Variants in SEMA3E observed in about 807,000 individuals in gnomAD.
SEMA3E encodes semaphorin 3E.
SEMA3E carries 49 observed loss-of-function variants against 93.6 expected under a neutral mutation model. The observed-to-expected ratio is 0.52, with a 90% CI of 0.42 to 0.66. The LOEUF is 0.66. Ranked by LOEUF, SEMA3E falls within the 30% of genes least tolerant of loss-of-function variation. The pLI is 0.00. For synonymous variants in SEMA3E, 363 were observed against 330.7 expected (o/e 1.10, Z -1.06); for missense variants, 906 against 964.8 (o/e 0.94, Z 0.81).
At chr7:83,441,619 A>T (rs181131161) in intron 4 of SEMA3E, among the ~76,000 whole-genome samples, 60 of 152,326 alleles carry the variant, frequency 3.9e-4, no homozygotes, top group African/African-American at 1.4e-3. Flanking sequence ...TATTTACATT[A>T]ATTTAATCAT....
At chr7:83,617,580 T>TAAA (rs1793405877) in intron 1 of SEMA3E, among the ~76,000 whole-genome samples, 4 of 146,880 alleles carry the variant, frequency 2.7e-5, no homozygotes, top group East Asian at 2.0e-4. Context: ...ATAAGTAATA[T>TAAA]ATAATTTTAT....
At chr7:83,516,595 G>A (rs372939288) in intron 1 of SEMA3E, among the ~76,000 whole-genome samples, 29 of 152,098 alleles carry the variant, frequency 1.9e-4, no homozygotes, top group African/African-American at 7.0e-4. Context: ...CTGAAGAAAT[G>A]TCAATATTAT....
Position 83,390,016 on chromosome 7 carries a change from C to T in SEMA3E, c.1667+2539G>A, listed in dbSNP as rs533911060. 1.5e-3 allele frequency among the ~76,000 whole-genome samples: 167 copies of T among 112,090 alleles called. 9 individuals carry two copies. Among genetic ancestry groups the T allele is most frequent in the African/African-American group, 5.9e-3 (156 of 26,642 alleles). 73.5% of individuals were successfully genotyped at this position (112,090 alleles called of 152,430 possible). A position where few individuals can be genotyped will look rare whatever the true frequency, so the allele number is the denominator to read the frequency against. ...GTGTATACGTATACACATATATACG[C>T]GTATATGTGTATACGTATACACATA... On this transcript the variant is annotated intron_variant, in intron 14 of 16. Transcript: ENST00000643230.
intron 1 of SEMA3E, among the ~76,000 whole-genome samples, chr7:83,600,156 A>G (rs993350493): frequency 6.6e-6 from 1 of 152,022 alleles, no homozygotes; most frequent in South Asian, 2.1e-4. Flanking sequence ...CCATGTATAC[A>G]TTGCTCTGGC....
intron 4 of SEMA3E, among the ~76,000 whole-genome samples, chr7:83,450,573 A>C (rs1421929489): frequency 6.6e-6 from 1 of 152,176 alleles, no homozygotes; most frequent in Non-Finnish European, 1.5e-5. Flanking sequence ...TGATGATAGA[A>C]ATCATAATAG....
intron 5 of SEMA3E, among the ~76,000 whole-genome samples, chr7:83,411,507 T>C (rs1248170001): frequency 2.0e-5 from 3 of 152,114 alleles, no homozygotes; most frequent in African/African-American, 7.2e-5. Context: ...ATAATAATTA[T>C]GTTTAGCAAA....
At chr7:83,643,847 C>T (rs1794045366) in intron 1 of SEMA3E, among the ~76,000 whole-genome samples, 1 of 151,940 alleles carries the variant, frequency 6.6e-6, no homozygotes. Flanking sequence ...GTGTTTCCTC[C>T]TGGGTCCTAT....
At position 83,469,321 on chromosome 7, in the gene SEMA3E, T is replaced by C. The variant is rs1256745689; in HGVS notation, c.277-19A>G. The C allele has an allele frequency of 1.3e-6, 2 of 1,553,850 alleles. No homozygotes were observed. The highest frequency in any genetic ancestry group is 1.8e-6 in the Non-Finnish European group (2 of 1,126,750). ...AGTGTATCTAAAATAAAAGATAATG[T>C]ACTATTATGACAACTGCATATAAAA... On this transcript the variant is annotated intron_variant, in intron 2 of 16. Coordinates refer to ENST00000643230, the MANE Select transcript of SEMA3E (RefSeq NM_012431.3).
chr7:83,400,580 C>G (rs867038246), intron 10 of SEMA3E, among the ~76,000 whole-genome samples: 6 of 151,906 alleles, frequency 3.9e-5, no homozygotes, highest in African/African-American at 1.2e-4. Context: ...ATCTGTTATT[C>G]CCCTCTTTAT....
chr7:83,517,457 C>T (rs1790953960), intron 1 of SEMA3E, among the ~76,000 whole-genome samples: 1 of 152,114 alleles, frequency 6.6e-6, no homozygotes. Context: ...GCTGCTTTTG[C>T]TACTCCTCCA....
intron 10 of SEMA3E, 36 bp from the exon 11 acceptor site, chr7:83,400,286 T>G: frequency 6.3e-7 from 1 of 1,590,562 alleles, no homozygotes; most frequent in Non-Finnish European, 8.6e-7. Context: ...TCTTTTTGCT[T>G]TACACCCAAA....
intron 1 of SEMA3E, among the ~76,000 whole-genome samples, chr7:83,572,625 G>A (rs1001013034): frequency 2.0e-5 from 3 of 151,768 alleles, no homozygotes; most frequent in African/African-American, 4.8e-5. Flanking sequence ...GAGATGGAGC[G>A]AGACTCCATC....
chr7:83,385,899 T>C (rs1787870201), intron 15 of SEMA3E, among the ~76,000 whole-genome samples: 1 of 152,278 alleles, frequency 6.6e-6, no homozygotes. Flanking sequence ...TGGGCTGCTG[T>C]AGTGAGAAGA....
At chr7:83,482,785 C>A (rs1333781143) in intron 2 of SEMA3E, among the ~76,000 whole-genome samples, 1 of 151,930 alleles carries the variant, frequency 6.6e-6, no homozygotes, top group East Asian at 1.9e-4. Flanking sequence ...AAAATCAGAT[C>A]TTGGAATAAG....
At chr7:83,373,558 A>G (rs1410367890) in intron 16 of SEMA3E, among the ~76,000 whole-genome samples, 1 of 152,164 alleles carries the variant, frequency 6.6e-6, no homozygotes, top group African/African-American at 2.4e-5. Flanking sequence ...AATTGTTTAA[A>G]AGCTCATTCG....
At chr7:83,369,334 C>T (rs962269280) in intron 16 of SEMA3E, among the ~76,000 whole-genome samples, 1 of 152,124 alleles carries the variant, frequency 6.6e-6, no homozygotes, top group Non-Finnish European at 1.5e-5. Context: ...CTTGATGAGA[C>T]CTGGCATAGA....
chr7:83,581,305 A>G (rs1465564628), intron 1 of SEMA3E, among the ~76,000 whole-genome samples: 1 of 151,992 alleles, frequency 6.6e-6, no homozygotes, highest in Non-Finnish European at 1.5e-5. Flanking sequence ...TCCACACACA[A>G]TTGCAGCAGA....
chr7:83,423,742 A>T, intron 4 of SEMA3E, among the ~76,000 whole-genome samples: 1 of 150,778 alleles, frequency 6.6e-6, no homozygotes, highest in Non-Finnish European at 1.5e-5. Context: ...CGATCTCCTG[A>T]CCTCGTGATC....
chr7:83,440,928 T>C (rs958343530), intron 4 of SEMA3E, among the ~76,000 whole-genome samples: 3 of 152,048 alleles, frequency 2.0e-5, no homozygotes, highest in African/African-American at 4.8e-5. Flanking sequence ...TGAGAAGTTA[T>C]ATTAGAGCCA....
Sources: gnomAD v4.1 joint callset for allele counts (sites outside exome capture counted in the v4.1 genomes callset) on GRCh38, gnomAD v4.1.1 for gene constraint, MANE v1.5 for transcripts, NCBI Gene and HGNC (gene_info 2026-07-23, HGNC 2026-07-21) for gene names.